Variants in CNTNAP2 observed in about 807,000 individuals in gnomAD.
CNTNAP2 encodes the protein contactin associated protein 2.
CNTNAP2 carries 98 observed loss-of-function variants against 155.2 expected under a neutral mutation model. The ratio of observed to expected loss-of-function variants is 0.63; its 90% CI spans 0.54 to 0.75. The LOEUF is 0.75. Ranked by LOEUF, CNTNAP2 falls within the 30% of genes least tolerant of loss-of-function variation. The pLI is 0.00. For synonymous variants in CNTNAP2, 651 were observed against 631.2 expected (o/e 1.03, Z -0.47); for missense variants, 1,727 against 1,688.1 (o/e 1.02, Z -0.40).
intron 1 of CNTNAP2, among the ~76,000 whole-genome samples, chr7:146,549,402 A>G (rs1798081113): frequency 6.6e-6 from 1 of 152,060 alleles, no homozygotes; most frequent in Non-Finnish European, 1.5e-5. Flanking sequence ...AAATATGATC[A>G]TATATTTTAA....
intron 3 of CNTNAP2, among the ~76,000 whole-genome samples, chr7:146,873,076 C>G (rs1795346591): frequency 6.6e-6 from 1 of 152,170 alleles, no homozygotes; most frequent in Non-Finnish European, 1.5e-5. Context: ...ATTTAAGAAA[C>G]AGTTGATTTA....
At chr7:148,125,431 A>G (rs555382625) in intron 16 of CNTNAP2, among the ~76,000 whole-genome samples, 2 of 152,246 alleles carry the variant, frequency 1.3e-5, no homozygotes, top group East Asian at 1.9e-4. Flanking sequence ...CGCTTAGTAC[A>G]CGTATCCATG....
At chr7:146,533,516 G>A (rs1797801417) in intron 1 of CNTNAP2, among the ~76,000 whole-genome samples, 1 of 152,138 alleles carries the variant, frequency 6.6e-6, no homozygotes, top group African/African-American at 2.4e-5. Flanking sequence ...TAAAGAAAAA[G>A]TGATTGTTCC....
intron 17 of CNTNAP2, among the ~76,000 whole-genome samples, chr7:148,165,382 G>A (rs538307865): frequency 3.3e-5 from 5 of 152,246 alleles, no homozygotes; most frequent in African/African-American, 1.2e-4. Context: ...TTGGAGGTTA[G>A]GGATTCAACA....
chr7:147,285,893 C>A (rs115043833), intron 8 of CNTNAP2, among the ~76,000 whole-genome samples: 2 of 151,976 alleles, frequency 1.3e-5, no homozygotes, highest in Non-Finnish European at 2.9e-5. Flanking sequence ...CAGTTGGATA[C>A]CAAACTAATC....
intron 13 of CNTNAP2, among the ~76,000 whole-genome samples, chr7:147,737,369 A>T (rs1796870539): frequency 6.6e-6 from 1 of 152,058 alleles, no homozygotes; most frequent in Non-Finnish European, 1.5e-5. Flanking sequence ...TTGCTGCCTG[A>T]TCGTTCCTCT....
intron 2 of CNTNAP2, among the ~76,000 whole-genome samples, chr7:146,815,767 T>TG (rs879814714): frequency 7.8e-4 from 119 of 152,218 alleles, no homozygotes; most frequent in Non-Finnish European, 1.4e-3. Flanking sequence ...AGAGCACTTT[T>TG]TTTTTATTAT....
At chr7:147,978,754 T>C (rs1468094625) in intron 15 of CNTNAP2, among the ~76,000 whole-genome samples, 1 of 152,058 alleles carries the variant, frequency 6.6e-6, no homozygotes, top group East Asian at 1.9e-4. Flanking sequence ...CTGGGACACG[T>C]GGTTTAGGCA....
At chr7:146,200,621 T>C (rs949930933) in intron 1 of CNTNAP2, among the ~76,000 whole-genome samples, 8 of 152,176 alleles carry the variant, frequency 5.3e-5, no homozygotes, top group Non-Finnish European at 1.5e-5. Context: ...TGTGTTACAA[T>C]TCTCTACAGT....
At chr7:148,129,042 C>T (rs964281631) in intron 16 of CNTNAP2, among the ~76,000 whole-genome samples, 3 of 152,138 alleles carry the variant, frequency 2.0e-5, no homozygotes, top group Non-Finnish European at 2.9e-5. Context: ...GCCTTGGGCC[C>T]ACATCCTGGA....
intron 18 of CNTNAP2, among the ~76,000 whole-genome samples, chr7:148,176,526 C>A (rs534131950): frequency 6.6e-6 from 1 of 152,132 alleles, no homozygotes; most frequent in South Asian, 2.1e-4. Context: ...GCCCAGAGCC[C>A]TTTTTCAAAG....
At chr7:147,264,407 C>T (rs768969694) in intron 8 of CNTNAP2, among the ~76,000 whole-genome samples, 11 of 151,776 alleles carry the variant, frequency 7.2e-5, no homozygotes, top group Admixed American at 1.3e-4. Context: ...GAAAGAGATA[C>T]GTAGAATGGT....
intron 13 of CNTNAP2, among the ~76,000 whole-genome samples, chr7:147,813,120 G>GAAAAAA (rs11291111): frequency 1.5e-5 from 2 of 135,876 alleles, no homozygotes. Flanking sequence ...TTCACTATTT[G>GAAAAAA]AAAAAAAAAA....
chr7:147,665,751 T>C (rs1321878562), intron 13 of CNTNAP2, among the ~76,000 whole-genome samples: 1 of 152,238 alleles, frequency 6.6e-6, no homozygotes, highest in Non-Finnish European at 1.5e-5. Context: ...GTTAGTTTGC[T>C]AAGAATAATG....
chr7:147,387,027 T>G (rs925501330), intron 9 of CNTNAP2, among the ~76,000 whole-genome samples: 1 of 152,088 alleles, frequency 6.6e-6, no homozygotes, highest in African/African-American at 2.4e-5. Context: ...GAAACTCCCA[T>G]TTTTAAAACC....
At chr7:146,926,302 T>A (rs1208326937) in intron 3 of CNTNAP2, among the ~76,000 whole-genome samples, 1 of 151,898 alleles carries the variant, frequency 6.6e-6, no homozygotes, top group Admixed American at 6.6e-5. Context: ...ATTTTAACTT[T>A]CTTGAAAAGG....
At chr7:146,820,305 T>C (rs1803252652) in intron 2 of CNTNAP2, among the ~76,000 whole-genome samples, 1 of 152,188 alleles carries the variant, frequency 6.6e-6, no homozygotes, top group South Asian at 2.1e-4. Context: ...ACAAAGTTAA[T>C]ATTATGTTTT....
intron 1 of CNTNAP2, among the ~76,000 whole-genome samples, chr7:146,175,846 T>C (rs1798462448): frequency 6.6e-6 from 1 of 152,214 alleles, no homozygotes; most frequent in Non-Finnish European, 1.5e-5. Flanking sequence ...AGTATCCTTG[T>C]CTATTTTTCT....
chr7:148,051,483 AC>A (rs1802887990), intron 15 of CNTNAP2, among the ~76,000 whole-genome samples: 2 of 152,136 alleles, frequency 1.3e-5, no homozygotes, highest in Non-Finnish European at 2.9e-5. Flanking sequence ...AAAGATAAAT[AC>A]AAAGCCATCG....
Sources: gnomAD v4.1 joint callset for allele counts (sites outside exome capture counted in the v4.1 genomes callset) on GRCh38, gnomAD v4.1.1 for gene constraint, MANE v1.5 for transcripts, NCBI Gene and HGNC (gene_info 2026-07-23, HGNC 2026-07-21) for gene names.